Variants in SV2B observed in about 807,000 individuals in gnomAD.
SV2B encodes the protein synaptic vesicle glycoprotein 2B.
SV2B carries 41 observed loss-of-function variants against 73.9 expected under a neutral mutation model. That is an observed-to-expected ratio of 0.56 (90% CI 0.43 to 0.72). The LOEUF is 0.72. SV2B is among the 30% of genes least tolerant of loss of function. SV2B has a pLI of 0.00. For synonymous variants in SV2B, 314 were observed against 314.2 expected (o/e 1.00, Z 0.01); for missense variants, 764 against 857.8 (o/e 0.89, Z 1.37).
At chr15:91,271,693 G>A (rs982246851) in intron 9 of SV2B, among the ~76,000 whole-genome samples, 1 of 152,088 alleles carries the variant, frequency 6.6e-6, no homozygotes, top group African/African-American at 2.4e-5. Flanking sequence ...TGACTGGTTA[G>A]GAACCTTTGA....
chr15:91,282,058 T>C (rs1395853941), intron 10 of SV2B, among the ~76,000 whole-genome samples, 197 bp downstream of exon 10: 2 of 152,274 alleles, frequency 1.3e-5, no homozygotes, highest in South Asian at 4.1e-4. Context: ...AGGCATTTAA[T>C]GTATCTGCGT....
chr15:91,116,709 G>A (rs1343364026), intron 1 of SV2B, among the ~76,000 whole-genome samples: 1 of 152,116 alleles, frequency 6.6e-6, no homozygotes, highest in Non-Finnish European at 1.5e-5. Context: ...ACTCATAAAC[G>A]GCTGTATTAG....
At position 91,121,853 on chromosome 15, in the gene SV2B, C is replaced by T. The variant is rs2042346422; in HGVS notation, c.-392+21490C>T. On this transcript the variant is annotated intron_variant, in intron 1 of 12. Transcript: ENST00000394232. This position sits in a 1 kb window ranked among gnomAD's most constrained non-coding sequence, Gnocchi z 4.4. Reference sequence around the variant, plus strand: ...GCAGTGGCGCGATCTCGGCTCACTGCAAGCTCTGCCTTCTGGGTTCACGCC... The same window carrying T: ...GCAGTGGCGCGATCTCGGCTCACTGTAAGCTCTGCCTTCTGGGTTCACGCC... 2.0e-5 allele frequency among the ~76,000 whole-genome samples: 3 copies of T among 151,590 alleles called. No individual in the cohort carries two copies. The highest frequency in any genetic ancestry group is 7.3e-5 in the African/African-American group (3 of 41,202).
At position 91,284,407 on chromosome 15, in the gene SV2B, A is replaced by T. The variant is rs1024445024; in HGVS notation, c.1708+186A>T. ...ACAGAAGACTCCAGGGCTCCTGGGA[A>T]ATAGTCAAGAATCTTTGGTCTAGGC... On this transcript the variant is annotated intron_variant, in intron 11 of 12. Transcript: ENST00000394232. This position sits in a 1 kb window ranked among gnomAD's most constrained non-coding sequence, Gnocchi z 4.5. Among the ~76,000 whole-genome samples the T allele has an allele frequency of 6.6e-6, 1 of 152,188 alleles. No homozygotes were observed. Among genetic ancestry groups the T allele is most frequent in the Non-Finnish European group, 1.5e-5 (1 of 68,036 alleles).
chr15:91,209,114 G>GT (rs903531189), intron 1 of SV2B, among the ~76,000 whole-genome samples: 4,282 of 89,842 alleles, frequency 0.048, 281 homozygotes, highest in African/African-American at 0.13. Flanking sequence ...ACTGTTTTTT[G>GT]TTTTTTTTTT....
intron 9 of SV2B, among the ~76,000 whole-genome samples, chr15:91,277,299 A>G (rs2048526106): frequency 6.6e-6 from 1 of 152,190 alleles, no homozygotes; most frequent in Non-Finnish European, 1.5e-5. Context: ...TGTTTTAGCT[A>G]TGGTTACCTT....
At position 91,197,798 on chromosome 15, in the gene SV2B, C is replaced by T. The variant is rs867457783; in HGVS notation, c.-391-28075C>T. On this transcript the variant is annotated intron_variant, in intron 1 of 12. Transcript: ENST00000394232. The surrounding 1 kb of genome is among the most constrained non-coding windows in gnomAD (Gnocchi z 4.9). ...CCTGTAATCCCAGCACTTTGGGAGGCCGAGATGGGTGGATCACCTGAGGTC... is the reference window on the plus strand; with the variant it reads ...CCTGTAATCCCAGCACTTTGGGAGGTCGAGATGGGTGGATCACCTGAGGTC... 2.6e-5 allele frequency among the ~76,000 whole-genome samples: 4 copies of T among 152,182 alleles called. No individual in the cohort carries two copies. Among genetic ancestry groups the T allele is most frequent in the South Asian group, 4.2e-4 (2 of 4,812 alleles).
intron 6 of SV2B, 93 bp from the exon 7 acceptor site, chr15:91,266,489 T>C: frequency 1.0e-6 from 1 of 996,924 alleles, no homozygotes; most frequent in South Asian, 1.5e-5. Flanking sequence ...CCTCTAGTCC[T>C]AAATCAGTTT....
At chr15:91,215,093 A>T (rs2045980667) in intron 1 of SV2B, among the ~76,000 whole-genome samples, 1 of 152,160 alleles carries the variant, frequency 6.6e-6, no homozygotes, top group Non-Finnish European at 1.5e-5. Flanking sequence ...GAGAGCTCAC[A>T]TTCCTTCGTC....
intron 9 of SV2B, among the ~76,000 whole-genome samples, chr15:91,278,466 A>G (rs927942372): frequency 6.6e-6 from 1 of 151,930 alleles, no homozygotes; most frequent in Non-Finnish European, 1.5e-5. Context: ...TCATGAGGTC[A>G]GGAGATCGAG....
intron 1 of SV2B, among the ~76,000 whole-genome samples, chr15:91,131,796 C>T (rs907021748): frequency 2.0e-5 from 3 of 152,150 alleles, no homozygotes; most frequent in Admixed American, 2.0e-4. Context: ...AACCCCGTCT[C>T]TACTAAAAAT....
At chr15:91,179,661 C>G (rs905188484) in intron 1 of SV2B, among the ~76,000 whole-genome samples, 8 of 152,096 alleles carry the variant, frequency 5.3e-5, no homozygotes, top group African/African-American at 1.4e-4. Flanking sequence ...CCTTCTTTGT[C>G]TCTTTTGATC....
intron 1 of SV2B, among the ~76,000 whole-genome samples, chr15:91,191,904 T>A (rs1381003636): frequency 2.0e-5 from 3 of 152,214 alleles, no homozygotes; most frequent in Non-Finnish European, 2.9e-5. Context: ...TTATAAAGAT[T>A]TTTCTCTGTC....
rs2049088730 is a variant in SV2B, at chr15:91,292,711, A to G, written c.*159A>G. The stretch of plus-strand genomic sequence containing the variant: ...TTTAGGACCCACTTCAGCTGTCAAT[A>G]TGTTTGTAACTCAGGTGACTGATTT... On this transcript the variant is annotated 3_prime_UTR_variant, in exon 13 of 13. Coordinates refer to ENST00000394232, the MANE Select transcript of SV2B (RefSeq NM_001323032.3). 2.3e-6 allele frequency: 2 copies of G among 870,572 alleles called. No individual in the cohort carries two copies. Among genetic ancestry groups the G allele is most frequent in the Non-Finnish European group, 3.3e-6 (2 of 598,566 alleles). The allele number at this position is 870,572 out of a possible 1,614,324, so 53.9% of individuals were successfully genotyped here. A position where few individuals can be genotyped will look rare whatever the true frequency, so the allele number is the denominator to read the frequency against.
At chr15:91,102,002 C>G (rs911741427) in intron 1 of SV2B, 4 of 152,186 alleles carry the variant, frequency 2.6e-5, no homozygotes, top group Non-Finnish European at 5.9e-5. Context: ...GTCTGCTTCT[C>G]CCTGGGTCCC....
intron 1 of SV2B, among the ~76,000 whole-genome samples, chr15:91,120,372 C>T (rs2042298135): frequency 2.0e-5 from 3 of 152,300 alleles, no homozygotes; most frequent in East Asian, 3.8e-4. Flanking sequence ...GTGAAAACAG[C>T]ATGGGGAAAT....
intron 1 of SV2B, among the ~76,000 whole-genome samples, chr15:91,210,023 G>A (rs2045797327): frequency 6.6e-6 from 1 of 152,084 alleles, no homozygotes; most frequent in African/African-American, 2.4e-5. Context: ...ACTAATTATA[G>A]AGCAGGGATC....
intron 1 of SV2B, among the ~76,000 whole-genome samples, chr15:91,166,600 T>C (rs2043919989): frequency 6.6e-6 from 1 of 152,000 alleles, no homozygotes; most frequent in South Asian, 2.1e-4. Flanking sequence ...TTTAGAACTT[T>C]TGATATAGTT....
chr15:91,122,911 A>G lies in SV2B; in HGVS notation c.-392+22548A>G, dbSNP rs1028035832. On this transcript the variant is annotated intron_variant, in intron 1 of 12. Transcript: ENST00000394232. This position sits in a 1 kb window ranked among gnomAD's most constrained non-coding sequence, Gnocchi z 4.3. The stretch of plus-strand genomic sequence containing the variant: ...GGATACTAAATTTCAGTTTGACAGG[A>G]TTAATAAATTCAAGAGGTCTATTCT... Among the ~76,000 whole-genome samples the G allele has an allele frequency of 6.6e-6, 1 of 152,186 alleles. No homozygotes were observed. The highest frequency in any genetic ancestry group is 2.4e-5 in the African/African-American group (1 of 41,448).
Sources: gnomAD v4.1 joint callset for allele counts (sites outside exome capture counted in the v4.1 genomes callset) on GRCh38, gnomAD v4.1.1 for gene constraint, Gnocchi (gnomAD v3.1) non-coding constraint, MANE v1.5 for transcripts, NCBI Gene and HGNC (gene_info 2026-07-23, HGNC 2026-07-21) for gene names.